The following CTNNA2 variants were observed in gnomAD, a reference collection of about 807,000 sequenced individuals.
CTNNA2 encodes the protein catenin alpha 2, also known as catenin alpha-2.
Under a neutral mutation model 101.0 loss-of-function variants are expected in CTNNA2, and 42 were observed. That is an observed-to-expected ratio of 0.42 (90% confidence interval 0.32 to 0.54). The LOEUF is 0.54. CTNNA2 is among the 20% of genes least tolerant of loss of function. CTNNA2 has a pLI of 0.14. For synonymous variants in CTNNA2, 450 were observed against 456.4 expected (o/e 0.99, Z 0.18); for missense variants, 871 against 1,223.1 (o/e 0.71, Z 4.29).
At chr2:79,280,701 G>GAGAGAGAGAC (rs142826852) in intron 2 of CTNNA2, among the ~76,000 whole-genome samples, 207 of 147,360 alleles carry the variant, frequency 1.4e-3, no homozygotes, top group Non-Finnish European at 2.3e-3. Context: ...GAGAGAGAGA[G>GAGAGAGAGAC]ACCTATAGCT....
chr2:79,744,649 A>G lies in CTNNA2; in HGVS notation c.298+67A>G, dbSNP rs1671512970. The G allele has an allele frequency of 5.0e-6, 7 of 1,393,454 alleles. No homozygotes were observed. The South Asian group carries it at 8.5e-5, about 17-fold the overall frequency. 86.3% of individuals were successfully genotyped at this position (1,393,454 alleles called of 1,614,324 possible). A position where few individuals can be genotyped will look rare whatever the true frequency, so the allele number is the denominator to read the frequency against. On this transcript the variant is annotated intron_variant, in intron 3 of 18. Coordinates refer to ENST00000402739, the MANE Select transcript of CTNNA2 (RefSeq NM_001282597.3). The stretch of plus-strand genomic sequence containing the variant: ...ATGTGCAAACAATGGCTTTTTCTTT[A>G]GAATCAATGGATATTTACTCAAAGA...
intron 7 of CTNNA2, chr2:80,305,186 T>C (rs1458185939): frequency 1.0e-6 from 1 of 985,272 alleles, no homozygotes; most frequent in Non-Finnish European, 1.2e-6. Flanking sequence ...TTTGGGGTTT[T>C]TTCCCCCTCT....
chr2:80,603,899 C>A, intron 15 of CTNNA2, 175 bp from the exon 16 acceptor site: 2 of 511,926 alleles, frequency 3.9e-6, no homozygotes, highest in Non-Finnish European at 3.4e-6. Context: ...AAAATATTTC[C>A]AAAAACGACT....
intron 2 of CTNNA2, among the ~76,000 whole-genome samples, chr2:79,208,144 A>G (rs147009948): frequency 4.9e-4 from 75 of 152,184 alleles, no homozygotes; most frequent in Middle Eastern, 3.4e-3. Flanking sequence ...TCTCCAGGCC[A>G]CTTTCCTTTT....
chr2:79,195,115 A>G (rs1042731222), intron 1 of CTNNA2, among the ~76,000 whole-genome samples: 1 of 152,154 alleles, frequency 6.6e-6, no homozygotes, highest in African/African-American at 2.4e-5. Context: ...TTAATGCCAC[A>G]GTGATCCCAT....
At chr2:79,421,349 C>A (rs921153370) in intron 4 of CTNNA2, among the ~76,000 whole-genome samples, 1 of 152,004 alleles carries the variant, frequency 6.6e-6, no homozygotes, top group Non-Finnish European at 1.5e-5. Flanking sequence ...AAGGAACTTA[C>A]GCGAGAGCTG....
At chr2:80,146,722 T>G (rs891108150) in intron 7 of CTNNA2, among the ~76,000 whole-genome samples, 6 of 111,522 alleles carry the variant, frequency 5.4e-5, no homozygotes, top group Non-Finnish European at 5.7e-5. Flanking sequence ...TTTTTTTTTT[T>G]TTTTTTTTTT....
At position 80,378,356 on chromosome 2, in the gene CTNNA2, CAAAA is replaced by C. The variant is rs1387106726; in HGVS notation, c.1057-14852_1057-14849del. Reference sequence around the variant, plus strand: ...GGGCAACAAGAGCAAAACTCTGTCTCAAAAAATAAATAAATAAATAAATAAATAA... The same window carrying C: ...GGGCAACAAGAGCAAAACTCTGTCTCAATAAATAAATAAATAAATAAATAA... On this transcript the variant is annotated intron_variant, in intron 7 of 18. Transcript: ENST00000402739. Among the ~76,000 whole-genome samples, 326 of 136,414 alleles carry C rather than the reference CAAAA, an allele frequency of 2.4e-3. 5 individuals are homozygous for C. The highest frequency in any genetic ancestry group is 2.9e-3 in the South Asian group (12 of 4,172). 89.5% of individuals were successfully genotyped at this position (136,414 alleles called of 152,430 possible).
intron 2 of CTNNA2, among the ~76,000 whole-genome samples, chr2:79,712,033 A>G (rs1462433549): frequency 1.3e-5 from 2 of 152,196 alleles, no homozygotes; most frequent in East Asian, 3.9e-4. Flanking sequence ...AAGAAAGAAC[A>G]TTATACTGTT....
chr2:80,382,067 G>C (rs1488241589), intron 7 of CTNNA2, among the ~76,000 whole-genome samples: 1 of 152,154 alleles, frequency 6.6e-6, no homozygotes, highest in Non-Finnish European at 1.5e-5. Context: ...AGTGTAAAAA[G>C]GGAATGAGAG....
chr2:80,628,354 G>A (rs576163569), intron 18 of CTNNA2, among the ~76,000 whole-genome samples: 4 of 152,096 alleles, frequency 2.6e-5, no homozygotes, highest in African/African-American at 9.6e-5. Flanking sequence ...CACGTTACCT[G>A]ACTTCAAACT....
At chr2:80,421,925 CG>C (rs1451107883) in intron 9 of CTNNA2, among the ~76,000 whole-genome samples, 1 of 151,466 alleles carries the variant, frequency 6.6e-6, no homozygotes, top group African/African-American at 2.4e-5. Flanking sequence ...ATGAAAAAGT[CG>C]GTTTGTATAT....
At chr2:80,496,110 T>TCTC (rs1687444600) in intron 9 of CTNNA2, among the ~76,000 whole-genome samples, 1 of 152,044 alleles carries the variant, frequency 6.6e-6, no homozygotes, top group Non-Finnish European at 1.5e-5. Flanking sequence ...AAGAAAGGAC[T>TCTC]CTCCTATAGG....
chr2:79,926,803 T>C (rs557208419), intron 7 of CTNNA2, among the ~76,000 whole-genome samples: 1 of 151,944 alleles, frequency 6.6e-6, no homozygotes, highest in Non-Finnish European at 1.5e-5. Context: ...CAGTATTAAA[T>C]AATATGCAAT....
chr2:79,697,683 A>C (rs187381289), intron 2 of CTNNA2, among the ~76,000 whole-genome samples: 2 of 152,030 alleles, frequency 1.3e-5, no homozygotes, highest in African/African-American at 4.8e-5. Flanking sequence ...AACTTTGTCA[A>C]TGTAGAATCA....
At chr2:80,320,277 C>T (rs1263817104) in intron 7 of CTNNA2, among the ~76,000 whole-genome samples, 1 of 152,202 alleles carries the variant, frequency 6.6e-6, no homozygotes, top group Non-Finnish European at 1.5e-5. Context: ...GTAAGGACCA[C>T]TTCTAAAATA....
chr2:79,796,075 C>T (rs1020404190), intron 3 of CTNNA2, among the ~76,000 whole-genome samples: 1 of 152,138 alleles, frequency 6.6e-6, no homozygotes, highest in African/African-American at 2.4e-5. Flanking sequence ...TCCCAAGTGA[C>T]AGGGATGCAT....
At chr2:79,415,670 CCTT>C (rs1346366351) in intron 4 of CTNNA2, among the ~76,000 whole-genome samples, 2 of 152,014 alleles carry the variant, frequency 1.3e-5, no homozygotes, top group African/African-American at 2.4e-5. Context: ...TTGAAGAAAT[CCTT>C]CTTAGAAGAC....
chr2:80,238,224 G>T (rs1034397708), intron 7 of CTNNA2, among the ~76,000 whole-genome samples: 22 of 152,116 alleles, frequency 1.4e-4, no homozygotes, highest in African/African-American at 4.8e-4. Context: ...ATCATTTGAG[G>T]CTCCAGGGCA....
Sources: allele counts gnomAD v4.1 joint callset (sites outside exome capture counted in the v4.1 genomes callset), GRCh38; gene constraint gnomAD v4.1.1; transcripts MANE v1.5; gene names NCBI Gene and HGNC (gene_info 2026-07-23, HGNC 2026-07-21).